PTPRA: variants seen among roughly 807,000 people sequenced by gnomAD.
PTPRA encodes the protein receptor-type tyrosine-protein phosphatase alpha.
In PTPRA, 25 loss-of-function variants were observed where a neutral mutation model predicts 104.8. That is an observed-to-expected ratio of 0.24 (90% CI 0.17 to 0.33). PTPRA has a LOEUF of 0.33. PTPRA is among the 10% of genes least tolerant of loss of function. The probability of loss-of-function intolerance (pLI) is 1.00; values close to 1 mark genes in which losing one functional copy is unlikely to be tolerated. For synonymous variants in PTPRA, 323 were observed against 368.9 expected (o/e 0.88, Z 1.43); for missense variants, 765 against 1,015.3 (o/e 0.75, Z 3.35).
At chr20:3,017,979 C>T in intron 13 of PTPRA, 66 bp downstream of exon 13, 3 of 1,359,822 alleles carry the variant, frequency 2.2e-6, no homozygotes, top group Middle Eastern at 1.8e-4. Context: ...GAGTTTAAGC[C>T]TGGCTGTCTA....
At chr20:3,008,942 G>A (rs1046945461) in intron 11 of PTPRA, among the ~76,000 whole-genome samples, 3 of 151,726 alleles carry the variant, frequency 2.0e-5, no homozygotes, top group African/African-American at 4.8e-5. Context: ...GGCTAAAATC[G>A]TAAATTTTAT....
Position 2,975,196 on chromosome 20 carries a change from T to C in PTPRA, c.416-19T>C. Reference sequence around the variant, plus strand: ...TCTTTAACCTGAATGAATGTTTCTATTTTTTACTTATTACACAGGTAATTC... The same window carrying C: ...TCTTTAACCTGAATGAATGTTTCTACTTTTTACTTATTACACAGGTAATTC... On this transcript the variant is annotated intron_variant, in intron 5 of 23. Transcript: ENST00000399903. 2 of 1,574,718 alleles carry C rather than the reference T, an allele frequency of 1.3e-6. No individual in the cohort carries two copies. The highest frequency in any genetic ancestry group is 1.7e-6 in the Non-Finnish European group (2 of 1,147,580).
intron 20 of PTPRA, among the ~76,000 whole-genome samples, chr20:3,030,533 G>T (rs1306092436): frequency 1.3e-5 from 2 of 152,008 alleles, no homozygotes; most frequent in Non-Finnish European, 2.9e-5. Context: ...GCAATGAAAG[G>T]TGCCTACACT....
At position 3,035,519 on chromosome 20, in the gene PTPRA, G is replaced by T; in HGVS notation, c.1921-66G>T. The stretch of plus-strand genomic sequence containing the variant: ...TGTACTGAGAGGGGTCAGGCTGCTC[G>T]TGGGCAGTGCTGCTTCTACACATGT... On this transcript the variant is annotated intron_variant, in intron 20 of 23. Coordinates refer to ENST00000399903, the MANE Select transcript of PTPRA (RefSeq NM_001385305.1). This position sits in a 1 kb window ranked among gnomAD's most constrained non-coding sequence, Gnocchi z 5.8. 3.3e-6 allele frequency: 5 copies of T among 1,518,392 alleles called. No homozygotes were observed. Among genetic ancestry groups the T allele is most frequent in the Non-Finnish European group, 4.5e-6 (5 of 1,101,898 alleles). 94.1% of individuals were successfully genotyped at this position (1,518,392 alleles called of 1,614,324 possible).
chr20:2,988,587 G>T, intron 9 of PTPRA, 113 bp downstream of exon 9: 1 of 1,416,902 alleles, frequency 7.1e-7, no homozygotes, highest in Non-Finnish European at 9.4e-7. Context: ...TGTTTAAGAG[G>T]TGAGAAATGT....
At chr20:2,996,658 C>T (rs1273106109) in intron 9 of PTPRA, among the ~76,000 whole-genome samples, 1 of 151,982 alleles carries the variant, frequency 6.6e-6, no homozygotes, top group South Asian at 2.1e-4. Flanking sequence ...GTAAACAATC[C>T]AGTCAAGAAA....
chr20:2,865,329 C>T, the PTPRA span: 1 of 1,614,068 alleles, frequency 6.2e-7, no homozygotes, highest in Admixed American at 1.7e-5. The surrounding 1 kb of genome is among the most constrained non-coding windows in gnomAD (Gnocchi z 5.2). Flanking sequence ...TAGGTGAGGG[C>T]CCAGGCTGCA....
rs1484447279 is a variant in PTPRA at position 2,923,260 on chromosome 20, T to A, written c.-75T>A. 4.7e-6 allele frequency: 6 copies of A among 1,284,830 alleles called. No homozygotes were observed. Among genetic ancestry groups the A allele is most frequent in the Non-Finnish European group, 6.1e-6 (6 of 986,876 alleles). 79.6% of individuals were successfully genotyped at this position (1,284,830 alleles called of 1,614,324 possible). A position where few individuals can be genotyped will look rare whatever the true frequency, so the allele number is the denominator to read the frequency against. On this transcript the variant is annotated 5_prime_UTR_variant, in exon 2 of 24. It removes an upstream start codon present in the reference 5' UTR. Transcript: ENST00000399903. ...TTTATGGAATTCCACTGAGTGGTAA[T>A]GGATGATGCAGTTCAAATAACTAAG...
chr20:3,001,450 A>C (rs937120162), intron 9 of PTPRA, among the ~76,000 whole-genome samples: 3 of 152,144 alleles, frequency 2.0e-5, no homozygotes, highest in Non-Finnish European at 2.9e-5. Context: ...TGTATTGAAG[A>C]CTGTTTTCAA....
At position 2,973,356 on chromosome 20, in the gene PTPRA, T is replaced by C. The variant is rs142460490; in HGVS notation, c.416-1859T>C. 2.9e-3 allele frequency among the ~76,000 whole-genome samples: 446 copies of C among 152,330 alleles called. 1 individual carries two copies. Among genetic ancestry groups the C allele is most frequent in the Non-Finnish European group, 5.1e-3 (349 of 68,040 alleles). ...CTTTCCAGTTAATTAACATATTTAG[T>C]GCTGTGAATTTTGAACAAGCACAGC... is the stretch of plus-strand genomic sequence containing the variant. On this transcript the variant is annotated intron_variant, in intron 5 of 23. Coordinates refer to ENST00000399903, the MANE Select transcript of PTPRA (RefSeq NM_001385305.1).
At chr20:3,005,758 G>T (rs1328843978) in intron 10 of PTPRA, among the ~76,000 whole-genome samples, 1 of 151,976 alleles carries the variant, frequency 6.6e-6, no homozygotes, top group East Asian at 1.9e-4. Flanking sequence ...GGAAGCAGGG[G>T]GTAATGGTGG....
At chr20:2,869,845 T>C (rs1414034168), upstream of PTPRA, among the ~76,000 whole-genome samples, 4 of 151,672 alleles carry the variant, frequency 2.6e-5, no homozygotes, top group African/African-American at 9.7e-5. Flanking sequence ...GCGGGTCCTG[T>C]AATCCCAGCT....
intron 5 of PTPRA, among the ~76,000 whole-genome samples, chr20:2,971,673 T>A (rs1301251821): frequency 6.6e-6 from 1 of 152,204 alleles, no homozygotes; most frequent in Non-Finnish European, 1.5e-5. Flanking sequence ...GTACTGACTC[T>A]TGAGTTGAGA....
At chr20:2,970,835 T>G (rs1043873294) in intron 5 of PTPRA, among the ~76,000 whole-genome samples, 2 of 152,098 alleles carry the variant, frequency 1.3e-5, no homozygotes, top group Non-Finnish European at 2.9e-5. Context: ...TACACGCACT[T>G]AAGTCTGTCT....
At position 3,027,966 on chromosome 20, in the gene PTPRA, G is replaced by A. The variant is rs1179748413; in HGVS notation, c.1920+125G>A. On this transcript the variant is annotated intron_variant, in intron 20 of 23. Coordinates refer to ENST00000399903, the MANE Select transcript of PTPRA (RefSeq NM_001385305.1). ...GTCTTTGACTTATACGGTCCAAAGA[G>A]TACGTTTGCATAGTATAAGTACATA... The A allele has an allele frequency of 3.0e-6, 4 of 1,325,518 alleles. No individual in the cohort carries two copies. The African/African-American group carries it at 5.9e-5, about 19-fold the overall frequency. 82.1% of individuals were successfully genotyped at this position (1,325,518 alleles called of 1,614,324 possible). A position where few individuals can be genotyped will look rare whatever the true frequency, so the allele number is the denominator to read the frequency against.
intron 2 of PTPRA, among the ~76,000 whole-genome samples, chr20:2,944,812 G>T (rs2061064648): frequency 6.6e-6 from 1 of 152,066 alleles, no homozygotes; most frequent in Non-Finnish European, 1.5e-5. Context: ...TTTCACTATT[G>T]TGTATCTAGA....
At chr20:2,962,990 A>AGTGTATTGCTCCCCAGTTGTT (rs1430381015) in intron 3 of PTPRA, among the ~76,000 whole-genome samples, 5 of 152,116 alleles carry the variant, frequency 3.3e-5, no homozygotes, top group Non-Finnish European at 7.3e-5. Context: ...GGGGCTCATG[A>AGTGTATTGCTCCCCAGTTGTT]GTGTATTGCT....
chr20:2,865,754 C>T, the PTPRA span, among the ~76,000 whole-genome samples: 1 of 152,058 alleles, frequency 6.6e-6, no homozygotes, highest in Non-Finnish European at 1.5e-5. This position sits in a 1 kb window ranked among gnomAD's most constrained non-coding sequence, Gnocchi z 5.2. Flanking sequence ...CCACAGGGGG[C>T]ACTATGTGCT....
Position 2,986,896 on chromosome 20 carries a change from C to T in PTPRA, c.527+47C>T, listed in dbSNP as rs779126383. On this transcript the variant is annotated intron_variant, in intron 7 of 23. Transcript: ENST00000399903. ...ATTCTCTTAGATTCTGTTTCAATATCCCAGTGTCCCAATGAACCCACACAG... is the reference window on the plus strand; with the variant it reads ...ATTCTCTTAGATTCTGTTTCAATATTCCAGTGTCCCAATGAACCCACACAG... The T allele has an allele frequency of 2.0e-6, 3 of 1,505,538 alleles. No individual in the cohort carries two copies. In the South Asian group the frequency reaches 3.4e-5, roughly 17 times the overall value. The allele number at this position is 1,505,538 out of a possible 1,614,324, so 93.3% of individuals were successfully genotyped here.
Sources: gnomAD v4.1 joint callset for allele counts (sites outside exome capture counted in the v4.1 genomes callset) on GRCh38, gnomAD v4.1.1 for gene constraint, Gnocchi (gnomAD v3.1) non-coding constraint, MANE v1.5 for transcripts, NCBI Gene and HGNC (gene_info 2026-07-23, HGNC 2026-07-21) for gene names.